MYPN: variants seen among roughly 807,000 people sequenced by gnomAD.
MYPN encodes the protein sarcomeric protein myopalladin, 145 kDa (MYOP).
MYPN carries 63 observed loss-of-function variants against 129.4 expected under a neutral mutation model. That is an observed-to-expected ratio of 0.49 (90% CI 0.40 to 0.60). The LOEUF (loss-of-function observed/expected upper bound fraction) is 0.60. Ranked by LOEUF, MYPN falls within the 20% of genes least tolerant of loss-of-function variation. The probability of loss-of-function intolerance (pLI) is 0.00; values close to 1 mark genes in which losing one functional copy is unlikely to be tolerated. For synonymous variants in MYPN, 629 were observed against 600.9 expected, an observed-to-expected ratio of 1.05 and a Z score of -0.68; for missense variants, 1,596 against 1,635.4, an observed-to-expected ratio of 0.98 and a Z score of 0.42.
intron 1 of MYPN, among the ~76,000 whole-genome samples, chr10:68,089,668 T>C (rs1403143997): frequency 6.6e-6 from 1 of 152,034 alleles, no homozygotes; most frequent in Non-Finnish European, 1.5e-5. Flanking sequence ...TTTAAGAGAA[T>C]GCTTAAGTGT....
At chr10:68,153,945 G>T (rs1444977051) in intron 6 of MYPN, among the ~76,000 whole-genome samples, 1 of 150,498 alleles carries the variant, frequency 6.6e-6, no homozygotes, top group East Asian at 1.9e-4. Flanking sequence ...TTAAAGCAAC[G>T]CTTAGCGAGC....
rs773665854 is a variant in MYPN, at chr10:68,158,613, G to A, written c.1445G>A (p.Arg482Lys). Residue 482 changes from arginine to lysine, a missense_variant, in exon 7 of 20, where the codon AGG becomes AAG. By Grantham distance (26) the Arg-to-Lys change is conservative. Transcript: ENST00000358913. ...GTLIEDSPDF[R>K]ILQKKPRSMA... The stretch of plus-strand genomic sequence containing the variant: ...TTAATAGAAGATTCTCCAGATTTTA[G>A]GATTTTACAGAAAAGTAAGTTAATA... The A allele has an allele frequency of 5.5e-5, 87 of 1,594,104 alleles. No individual in the cohort carries two copies. In the East Asian group the frequency reaches 1.9e-3, roughly 36 times the overall value.
chr10:68,149,415 TA>T (rs1477379411), intron 5 of MYPN, among the ~76,000 whole-genome samples: 1 of 152,158 alleles, frequency 6.6e-6, no homozygotes, highest in East Asian at 1.9e-4. Flanking sequence ...TAAATATACA[TA>T]TAACATGTTA....
chr10:68,121,563 G>T lies in MYPN; in HGVS notation c.125G>T (p.Cys42Phe). ...RSRAEPSSNP[C>F]HFGSPSGAAE... ...CGAGCGGAGCCCTCCTCCAACCCTT[G>T]CCATTTCGGCAGTCCTTCTGGGGCC... Residue 42 changes from cysteine to phenylalanine, a missense_variant, in exon 2 of 20, where the codon TGC becomes TTC. Coordinates refer to ENST00000358913, the MANE Select transcript of MYPN (RefSeq NM_032578.4). The T allele has an allele frequency of 6.2e-7, 1 of 1,614,172 alleles. No individual in the cohort carries two copies. Among genetic ancestry groups the T allele is most frequent in the Non-Finnish European group, 8.5e-7 (1 of 1,180,030 alleles).
chr10:68,175,360 C>T lies in MYPN; in HGVS notation c.2602C>T (p.Pro868Ser), dbSNP rs2043211349. 2 of 1,613,954 alleles carry T rather than the reference C, an allele frequency of 1.2e-6. No individual in the cohort carries two copies. Among genetic ancestry groups the T allele is most frequent in the African/African-American group, 1.3e-5 (1 of 74,888 alleles). Residue 868 changes from proline (P) to serine (S), a missense_variant, in exon 12 of 20, where the codon CCT (proline) becomes TCT (serine). Coordinates refer to ENST00000358913, the MANE Select transcript of MYPN (RefSeq NM_032578.4). ...ATTAGCGAAGAAAAATACAAAGTCT[C>T]CTCAACCAGTGAATGATGATAACAT... is the stretch of plus-strand genomic sequence containing the variant. ...QGLAKKNTKS[P>S]QPVNDDNIRE...
chr10:68,171,280 C>A (rs1400042258), intron 10 of MYPN, among the ~76,000 whole-genome samples: 1 of 152,112 alleles, frequency 6.6e-6, no homozygotes, highest in Non-Finnish European at 1.5e-5. Context: ...TAATGTCAGA[C>A]AAAAGTCAGA....
intron 10 of MYPN, among the ~76,000 whole-genome samples, chr10:68,169,528 T>C (rs1187368446): frequency 6.6e-6 from 1 of 152,136 alleles, no homozygotes; most frequent in Non-Finnish European, 1.5e-5. Context: ...TGAGGGTTTA[T>C]TTTCTCTCAC....
rs2043671539 is a variant in MYPN, at chr10:68,199,470, T to C, written c.3388T>C (p.Ser1130Pro). 2 of 1,614,146 alleles carry C rather than the reference T, an allele frequency of 1.2e-6. No individual in the cohort carries two copies. The highest frequency in any genetic ancestry group is 2.2e-5 in the East Asian group (1 of 44,878). Residue 1130 changes from serine (S) to proline (P), a missense_variant, in exon 17 of 20, where the codon TCT (serine) becomes CCT (proline). Transcript: ENST00000358913. ...GCTGGTCAGGGAGACCGGAGTCCAC[T>C]CTCTGCTCATTGACCCACTCACTCA... ...KMLVRETGVH[S>P]LLIDPLTQRD...
At chr10:68,148,769 A>G (rs893806131) in intron 5 of MYPN, among the ~76,000 whole-genome samples, 4 of 152,226 alleles carry the variant, frequency 2.6e-5, no homozygotes, top group Admixed American at 2.6e-4. Context: ...ACTGGCCTAG[A>G]ACAAACACTC....
intron 13 of MYPN, 85 bp downstream of exon 13, chr10:68,189,211 C>T: frequency 2.1e-6 from 2 of 955,186 alleles, no homozygotes; most frequent in Non-Finnish European, 3.3e-6. Context: ...AAAATATACG[C>T]AATGTTTTTT....
At chr10:68,107,615 T>C (rs2042028866), upstream of MYPN, among the ~76,000 whole-genome samples, 1 of 152,062 alleles carries the variant, frequency 6.6e-6, no homozygotes, top group East Asian at 1.9e-4. Flanking sequence ...CCTCCCAAAG[T>C]GCTAGGATTA....
chr10:68,107,591 T>A (rs2042028411), upstream of MYPN, among the ~76,000 whole-genome samples: 1 of 151,886 alleles, frequency 6.6e-6, no homozygotes, highest in Non-Finnish European at 1.5e-5. Flanking sequence ...GCTCAGGCGA[T>A]CCGCCTGCCT....
Position 68,174,413 on chromosome 10 carries a change from C to G in MYPN, c.2321C>G (p.Ser774Cys), listed in dbSNP as rs140933016. The change falls in exon 11 of 20, where the codon TCT becomes TGT. Residue 774 changes from serine (S) to cysteine (C), a missense_variant. By Grantham distance (112) the Ser-to-Cys change is moderately radical. Transcript: ENST00000358913. ...LVSHPSVQTK[S>C]PGGLSIQNEP... ...TCTCACCCCTCTGTGCAAACCAAAT[C>G]TCCAGGAGGGCTTTCCATCCAAAAT... is the stretch of plus-strand genomic sequence containing the variant. The G allele has an allele frequency of 1.9e-6, 3 of 1,614,152 alleles. No individual in the cohort carries two copies. Among genetic ancestry groups the G allele is most frequent in the Non-Finnish European group, 2.5e-6 (3 of 1,180,034 alleles).
At chr10:68,209,671 C>CTTTTTTTTTTTTTTTTTTTT (rs35392300) in intron 19 of MYPN, among the ~76,000 whole-genome samples, 28 of 131,194 alleles carry the variant, frequency 2.1e-4, no homozygotes, top group South Asian at 4.8e-4. Flanking sequence ...GAATTCTTTT[C>CTTTTTTTTTTTTTTTTTTTT]TTTTTTTTTT....
At chr10:68,189,312 A>G (rs1422813393) in intron 13 of MYPN, among the ~76,000 whole-genome samples, 186 bp downstream of exon 13, 3 of 152,226 alleles carry the variant, frequency 2.0e-5, no homozygotes, top group Admixed American at 6.5e-5. Context: ...TAATGATCAA[A>G]TCAGGATAAC....
chr10:68,103,811 G>A (rs550141629), upstream of MYPN, among the ~76,000 whole-genome samples: 19 of 152,274 alleles, frequency 1.2e-4, no homozygotes, highest in South Asian at 3.3e-3. Context: ...TTAGCCAGCC[G>A]TGGTGGCAGG....
chr10:68,186,813 A>G (rs1274653265), intron 12 of MYPN, among the ~76,000 whole-genome samples: 1 of 152,050 alleles, frequency 6.6e-6, no homozygotes, highest in African/African-American at 2.4e-5. Flanking sequence ...TCAATAAACA[A>G]ACAAGAAAAA....
chr10:68,149,219 C>T (rs1296718377), intron 5 of MYPN, among the ~76,000 whole-genome samples: 1 of 152,072 alleles, frequency 6.6e-6, no homozygotes, highest in Non-Finnish European at 1.5e-5. Flanking sequence ...AAGACCCTGT[C>T]CTCCCACTCC....
chr10:68,088,778 A>T (rs1178859546), intron 1 of MYPN, among the ~76,000 whole-genome samples: 1 of 152,120 alleles, frequency 6.6e-6, no homozygotes, highest in African/African-American at 2.4e-5. Flanking sequence ...TACACCATAC[A>T]ATTCACCTGC....
Sources: gnomAD v4.1 joint callset for allele counts (sites outside exome capture counted in the v4.1 genomes callset) on GRCh38, gnomAD v4.1.1 for gene constraint, MANE v1.5 for transcripts, NCBI Gene and HGNC (gene_info 2026-07-23, HGNC 2026-07-21) for gene names.